HSPG2: variants seen among roughly 807,000 people sequenced by gnomAD.
The protein encoded by HSPG2 is basement membrane-specific heparan sulfate proteoglycan core protein.
Under a neutral mutation model 526.6 loss-of-function variants are expected in HSPG2, and 278 were observed. The ratio of observed to expected loss-of-function variants is 0.53; its 90% CI spans 0.48 to 0.58. The LOEUF is 0.58. Ranked by LOEUF, HSPG2 falls within the 20% of genes least tolerant of loss-of-function variation. HSPG2 has a pLI of 0.00. For missense variants in HSPG2, 5,354 were observed against 6,099.5 expected (o/e 0.88, Z 4.07); for synonymous variants, 2,465 against 2,555.4 (o/e 0.96, Z 1.07).
chr1:21,847,988 CG>C lies in HSPG2; in HGVS notation c.7842del (p.Ile2614MetfsTer36). ...GAGGAACCGCTGCCCTGGATGGTGA[CG>C]ATGAGCGAGGTCTCCCGGGAGCCTG... is the stretch of plus-strand genomic sequence containing the variant. ...NGAGSRETSLIVTIQGSGSSH... is the reference protein window; with the variant it reads ...NGAGSRETSLXVTIQGSGSSH... On this transcript the variant is annotated frameshift_variant, in exon 60 of 97. Coordinates refer to ENST00000374695, the MANE Select transcript of HSPG2 (RefSeq NM_005529.7). LOFTEE classifies it high-confidence loss of function. The surrounding 1 kb of genome is among the most constrained non-coding windows in gnomAD (Gnocchi z 4.1). 1 of 1,613,670 alleles carries C rather than the reference CG, an allele frequency of 6.2e-7. No homozygotes were observed. Among genetic ancestry groups the C allele is most frequent in the Non-Finnish European group, 8.5e-7 (1 of 1,180,004 alleles).
intron 44 of HSPG2, 102 bp from the exon 45 acceptor site, chr1:21,856,014 C>T (rs1462689373): frequency 2.5e-5 from 37 of 1,501,666 alleles, no homozygotes; most frequent in Non-Finnish European, 3.3e-5. Context: ...GCTAGCCCTC[C>T]ACGGCCATCT....
At chr1:21,881,298 GAATTCTTT>G (rs1641484627) in intron 14 of HSPG2, 33 bp downstream of exon 14, 3 of 1,605,256 alleles carry the variant, frequency 1.9e-6, no homozygotes, top group African/African-American at 2.7e-5. Context: ...GAGCCCACAG[GAATTCTTT>G]CCCCACCCAG....
At chr1:21,834,285 C>T (rs567529138) in intron 77 of HSPG2, among the ~76,000 whole-genome samples, 2 of 152,330 alleles carry the variant, frequency 1.3e-5, no homozygotes, top group Admixed American at 1.3e-4. Context: ...CTTTAAAGAA[C>T]ACACAGTGTT....
rs971500961 is a variant in HSPG2 at position 21,841,339 on chromosome 1, C to T, written c.9329-54G>A. The T allele has an allele frequency of 1.9e-6, 3 of 1,605,766 alleles. No homozygotes were observed. In the African/African-American group the frequency reaches 4.0e-5, roughly 21 times the overall value. On this transcript the variant is annotated intron_variant, in intron 70 of 96. Coordinates refer to ENST00000374695, the MANE Select transcript of HSPG2 (RefSeq NM_005529.7). ...CACAGGCAGGGCTCTGCTGCTCACCCACACTGCCATGGCCTCCAGCTTAGT... is the reference window on the plus strand; with the variant it reads ...CACAGGCAGGGCTCTGCTGCTCACCTACACTGCCATGGCCTCCAGCTTAGT...
intron 57 of HSPG2, among the ~76,000 whole-genome samples, chr1:21,849,253 C>T (rs1638699026): frequency 6.6e-6 from 1 of 152,200 alleles, no homozygotes; most frequent in Non-Finnish European, 1.5e-5. Flanking sequence ...AGACTTGGCA[C>T]CAGAGAAAAG....
intron 1 of HSPG2, among the ~76,000 whole-genome samples, chr1:21,914,422 C>A (rs895116437): frequency 6.6e-6 from 1 of 152,042 alleles, no homozygotes; most frequent in South Asian, 2.1e-4. Context: ...GGAAAACAGC[C>A]AGGAGGCCGG....
Position 21,824,354 on chromosome 1 carries a change from C to T in HSPG2, c.12767G>A (p.Gly4256Asp). The change falls in exon 94 of 97, where the codon GGC becomes GAC. Residue 4256 changes from glycine (G) to aspartate (D), a missense_variant. Transcript: ENST00000374695. This position sits in a 1 kb window ranked among gnomAD's most constrained non-coding sequence, Gnocchi z 5.9. ...QGVEVGEAGQ[G>D]KDFISLGLQD... ...AAGCCCGAGGCTGATGAAGTCCTTG[C>T]CTTGGCCGGCCTCTCCCACCTCCTG... 6.2e-7 allele frequency: 1 copy of T among 1,613,852 alleles called. No homozygotes were observed. Among genetic ancestry groups the T allele is most frequent in the Non-Finnish European group, 8.5e-7 (1 of 1,180,016 alleles).
chr1:21,867,376 T>C lies in HSPG2; in HGVS notation c.4222-1567A>G, dbSNP rs115555929. ...CTGGGATTATAGGTGTGAGCCATTGTACCCAGATCCAGCATAGTGATTAAA... is the reference window on the plus strand; with the variant it reads ...CTGGGATTATAGGTGTGAGCCATTGCACCCAGATCCAGCATAGTGATTAAA... On this transcript the variant is annotated intron_variant, in intron 33 of 96. Transcript: ENST00000374695. Among the ~76,000 whole-genome samples, 551 of 152,158 alleles carry C rather than the reference T, an allele frequency of 3.6e-3. 3 individuals carry two copies. The highest frequency in any genetic ancestry group is 0.013 in the African/African-American group (521 of 41,510).
rs762861100 is a variant in HSPG2 at position 21,829,467 on chromosome 1, C to A, written c.11908G>T (p.Gly3970Trp). The change falls in exon 87 of 97, where the codon GGG becomes TGG. Residue 3970 changes from glycine (G) to tryptophan (W), a missense_variant. Physicochemically the swap from Gly to Trp is radical, Grantham distance 184. Coordinates refer to ENST00000374695, the MANE Select transcript of HSPG2 (RefSeq NM_005529.7). ...LAPDGVLLFSGGKSGPVEDFV... is the reference protein window; with the variant it reads ...LAPDGVLLFSWGKSGPVEDFV... ...TCCTCCACAGGCCCGCTCTTCCCCC[C>A]GCTGAACAGCAGGACCCCGTCAGGG... The A allele has an allele frequency of 6.2e-7, 1 of 1,613,276 alleles. No individual in the cohort carries two copies. Among genetic ancestry groups the A allele is most frequent in the African/African-American group, 1.3e-5 (1 of 74,938 alleles).
chr1:21,848,468 G>A lies in HSPG2; in HGVS notation c.7737+175C>T, dbSNP rs538091848. Among the ~76,000 whole-genome samples, 6 of 152,248 alleles carry A rather than the reference G, an allele frequency of 3.9e-5. No individual in the cohort carries two copies. In the South Asian group the frequency reaches 1.2e-3, roughly 32 times the overall value. ...TTGGTGCAGAAGTGGATCTCCCTGA[G>A]GTCAGGGAGCCTTATTTCTGTATTC... On this transcript the variant is annotated intron_variant, in intron 59 of 96. Coordinates refer to ENST00000374695, the MANE Select transcript of HSPG2 (RefSeq NM_005529.7). This position sits in a 1 kb window ranked among gnomAD's most constrained non-coding sequence, Gnocchi z 4.9.
Position 21,831,264 on chromosome 1 carries a change from G to A in HSPG2, c.11513C>T (p.Thr3838Met), listed in dbSNP as rs750376699. ...EEIVFHDLNL[T>M]AHGISHCPTC... ...GGGGCAGTGGGAGATGCCGTGCGCC[G>A]TGAGGTTGAGGTCATGGAAGACGAT... The change falls in exon 84 of 97, where the codon ACG becomes ATG. Residue 3838 changes from threonine (T) to methionine (M), a missense_variant. Physicochemically the swap from Thr to Met is moderately conservative, Grantham distance 81 (BLOSUM62 -1). Coordinates refer to ENST00000374695, the MANE Select transcript of HSPG2 (RefSeq NM_005529.7). 134 of 1,614,044 alleles carry A rather than the reference G, an allele frequency of 8.3e-5. 1 individual carries two copies. The East Asian group carries it at 2.5e-3, about 31-fold the overall frequency.
At chr1:21,831,862 C>G (rs2098005777) in intron 81 of HSPG2, 66 bp from the exon 82 acceptor site, 3 of 1,516,536 alleles carry the variant, frequency 2.0e-6, no homozygotes, top group Non-Finnish European at 2.7e-6. Context: ...GGCTAGGGGC[C>G]CAGTTGGGTA....
rs750550515 is a variant in HSPG2, at chr1:21,895,897, C to G, written c.244+25G>C. The G allele has an allele frequency of 6.2e-7, 1 of 1,612,676 alleles. No individual in the cohort carries two copies. Among genetic ancestry groups the G allele is most frequent in the African/African-American group, 1.3e-5 (1 of 75,012 alleles). ...CTTCCCTGGGGGACAGGAGGGAGAC[C>G]TGCAGGAGGCCTGCAGCAACTTACC... On this transcript the variant is annotated intron_variant, in intron 3 of 96. Coordinates refer to ENST00000374695, the MANE Select transcript of HSPG2 (RefSeq NM_005529.7). This position sits in a 1 kb window ranked among gnomAD's most constrained non-coding sequence, Gnocchi z 4.1.
In HSPG2 at chr1:21,823,350, T is replaced by A; in HGVS notation, c.13142A>T (p.Gln4381Leu). The A allele has an allele frequency of 6.5e-7, 1 of 1,543,804 alleles. No individual in the cohort carries two copies. Among genetic ancestry groups the A allele is most frequent in the Middle Eastern group, 1.7e-4 (1 of 5,836 alleles). The change falls in exon 97 of 97, where the codon CAG (glutamine) becomes CTG (leucine). Residue 4381 changes from glutamine (Q) to leucine (L), a missense_variant. Physicochemically the swap from Gln to Leu is moderately radical, Grantham distance 113. Transcript: ENST00000374695. ...GCAGGGGCGTGTGTTGGCCCCGGCC[T>A]GGGCGCGGTGCTGCAGGTCCAGGGG... Reference protein sequence around the residue: ...PQPLDLQHRAQAGANTRPCPS With the variant: ...PQPLDLQHRALAGANTRPCPS
intron 21 of HSPG2, 69 bp from the exon 22 acceptor site, chr1:21,876,721 A>T: frequency 6.2e-7 from 1 of 1,601,072 alleles, no homozygotes; most frequent in Non-Finnish European, 8.5e-7. Flanking sequence ...GGCCGAATCC[A>T]CCCTCAGTCC....
Position 21,937,297 on chromosome 1 carries a change from C to G in HSPG2, c.-80G>C. On this transcript the variant is annotated 5_prime_UTR_variant, in exon 1 of 97. Coordinates refer to ENST00000374695, the MANE Select transcript of HSPG2 (RefSeq NM_005529.7). ...CGCCCGCAGCCGCCCGCTCGCCGGC[C>G]AGCTCGGGACAGCGCGGCCCTCTCC... The G allele has an allele frequency of 2.6e-6, 1 of 383,196 alleles. No individual in the cohort carries two copies. Among genetic ancestry groups the G allele is most frequent in the Non-Finnish European group, 3.5e-6 (1 of 283,726 alleles). 23.7% of individuals were successfully genotyped at this position (383,196 alleles called of 1,614,324 possible). A position where few individuals can be genotyped will look rare whatever the true frequency, so the allele number is the denominator to read the frequency against.
intron 64 of HSPG2, 40 bp from the exon 65 acceptor site, chr1:21,844,339 C>A: frequency 6.3e-7 from 1 of 1,591,162 alleles, no homozygotes; most frequent in Non-Finnish European, 8.6e-7. Flanking sequence ...GAGATGCCAC[C>A]CTGATGCCCT....
chr1:21,845,306 A>C (rs1344004641), intron 64 of HSPG2, among the ~76,000 whole-genome samples: 1 of 152,224 alleles, frequency 6.6e-6, no homozygotes, highest in Non-Finnish European at 1.5e-5. Context: ...AAAGATTTCC[A>C]AGAAATAAGG....
chr1:21,912,413 C>T lies in HSPG2; in HGVS notation c.64-16103G>A, dbSNP rs185656932. 2.0e-3 allele frequency among the ~76,000 whole-genome samples: 300 copies of T among 152,236 alleles called. 1 individual carries two copies. Among genetic ancestry groups the T allele is most frequent in the Non-Finnish European group, 3.4e-3 (228 of 68,020 alleles). ...AGTGAGTGAGCTCTCCAAAGACCCC[C>T]GGGGAGAATGAGACACAAGAGAAAC... On this transcript the variant is annotated intron_variant, in intron 1 of 96. Coordinates refer to ENST00000374695, the MANE Select transcript of HSPG2 (RefSeq NM_005529.7).
Sources: allele counts gnomAD v4.1 joint callset (sites outside exome capture counted in the v4.1 genomes callset), GRCh38; gene constraint gnomAD v4.1.1; non-coding constraint Gnocchi (gnomAD v3.1); transcripts MANE v1.5; gene names NCBI Gene and HGNC (gene_info 2026-07-23, HGNC 2026-07-21).